TULP3: variants seen among roughly 807,000 people sequenced by gnomAD.
The protein encoded by TULP3 is tubby-related protein 3.
TULP3 carries 38 observed loss-of-function variants against 50.7 expected under a neutral mutation model. The ratio of observed to expected loss-of-function variants is 0.75; its 90% CI spans 0.58 to 0.98. The LOEUF (loss-of-function observed/expected upper bound fraction) is 0.98, where lower values mean the gene tolerates loss of function less well. Ranked by LOEUF, TULP3 falls within the 50% of genes least tolerant of loss-of-function variation. The probability of loss-of-function intolerance (pLI) is 0.00; values close to 1 mark genes in which losing one functional copy is unlikely to be tolerated. For missense variants in TULP3, 550 were observed against 568.0 expected, an observed-to-expected ratio of 0.97 and a Z score of 0.32; for synonymous variants, 183 against 196.6, an observed-to-expected ratio of 0.93 and a Z score of 0.58.
intron 7 of TULP3, 120 bp from the exon 8 acceptor site, chr12:2,934,327 T>C (rs1414097902): frequency 5.1e-6 from 3 of 583,830 alleles, no homozygotes; most frequent in African/African-American, 3.9e-5. Flanking sequence ...GAAAAAGTGA[T>C]GATGAACATT....
intron 6 of TULP3, among the ~76,000 whole-genome samples, chr12:2,931,770 AATAAG>A (rs575409156): frequency 1.4e-4 from 21 of 152,306 alleles, no homozygotes; most frequent in African/African-American, 4.8e-4. Flanking sequence ...AGAGCCTAGA[AATAAG>A]ATAATGATAC....
Position 2,931,027 on chromosome 12 carries a change from G to A in TULP3, c.493-10G>A, listed in dbSNP as rs748498779. The A allele has an allele frequency of 1.9e-6, 3 of 1,614,048 alleles. No homozygotes were observed. Among genetic ancestry groups the A allele is most frequent in the Admixed American group, 3.3e-5 (2 of 60,000 alleles). The stretch of plus-strand genomic sequence containing the variant: ...GGCCTGTTGTTGCTCATGTATGGCT[G>A]TCCTTTCAGGATACAGGCACTTCCG... On this transcript the variant is annotated splice_polypyrimidine_tract_variant and intron_variant, in intron 5 of 10. Coordinates refer to ENST00000448120, the MANE Select transcript of TULP3 (RefSeq NM_003324.5).
intron 1 of TULP3, among the ~76,000 whole-genome samples, chr12:2,905,479 C>T (rs547676931): frequency 2.0e-5 from 3 of 152,196 alleles, no homozygotes; most frequent in South Asian, 4.2e-4. Flanking sequence ...CCACCGCACC[C>T]GGCCTTATAA....
intron 1 of TULP3, among the ~76,000 whole-genome samples, chr12:2,900,073 AAATT>A (rs906048876): frequency 2.0e-5 from 3 of 151,704 alleles, no homozygotes; most frequent in African/African-American, 7.3e-5. Flanking sequence ...AAAAAATAAA[AAATT>A]AACCAGGCGT....
chr12:2,913,456 A>T lies in TULP3; in HGVS notation c.93+3876A>T, dbSNP rs1830409927. 5.3e-5 allele frequency among the ~76,000 whole-genome samples: 8 copies of T among 151,768 alleles called. No individual in the cohort carries two copies. The South Asian group carries it at 1.7e-3, about 32-fold the overall frequency. ...TCTTCTTCCTGTATTTAGAGATGGGATCTTGCAGTGTTGCCCAGGCTGGTC... is the reference window on the plus strand; with the variant it reads ...TCTTCTTCCTGTATTTAGAGATGGGTTCTTGCAGTGTTGCCCAGGCTGGTC... On this transcript the variant is annotated intron_variant, in intron 2 of 10. Coordinates refer to ENST00000448120, the MANE Select transcript of TULP3 (RefSeq NM_003324.5).
chr12:2,917,007 C>T (rs2098189039), intron 2 of TULP3, among the ~76,000 whole-genome samples: 1 of 152,122 alleles, frequency 6.6e-6, no homozygotes, highest in Admixed American at 6.6e-5. Flanking sequence ...CTCCCCTTAA[C>T]AAGTGAGAGC....
intron 6 of TULP3, 63 bp from the exon 7 acceptor site, chr12:2,933,355 A>C (rs1032605046): frequency 1.0e-6 from 1 of 993,560 alleles, no homozygotes; most frequent in African/African-American, 1.6e-5. Flanking sequence ...TAGGACAACC[A>C]TGACCAGAGG....
In TULP3 at chr12:2,939,286, C is replaced by T. The variant is rs751213495; in HGVS notation, c.1196-25C>T. On this transcript the variant is annotated intron_variant, in intron 10 of 10. Coordinates refer to ENST00000448120, the MANE Select transcript of TULP3 (RefSeq NM_003324.5). This position sits in a 1 kb window ranked among gnomAD's most constrained non-coding sequence, Gnocchi z 4.0. ...TGAGTGCAACCACATTATATTCTAA[C>T]ATGTTGATTTCTTTCTGTTTCTAGC... The T allele has an allele frequency of 6.8e-6, 11 of 1,608,186 alleles. No individual in the cohort carries two copies. The highest frequency in any genetic ancestry group is 1.7e-4 in the Middle Eastern group (1 of 6,034).
intron 1 of TULP3, among the ~76,000 whole-genome samples, chr12:2,909,328 C>T (rs150383601): frequency 6.6e-6 from 1 of 152,218 alleles, no homozygotes; most frequent in African/African-American, 2.4e-5. Flanking sequence ...TTTCAGTCTC[C>T]TCAGGTCCTC....
intron 4 of TULP3, among the ~76,000 whole-genome samples, chr12:2,925,727 G>A (rs1387122966): frequency 6.6e-6 from 1 of 152,176 alleles, no homozygotes; most frequent in African/African-American, 2.4e-5. Context: ...GATAGGATGA[G>A]TCGGAGCAAA....
intron 7 of TULP3, among the ~76,000 whole-genome samples, chr12:2,934,217 C>G: frequency 6.6e-6 from 1 of 152,160 alleles, no homozygotes; most frequent in East Asian, 1.9e-4. Context: ...CCACTGCACT[C>G]CAGCCTGGGC....
chr12:2,907,689 C>T (rs557347574), intron 1 of TULP3, among the ~76,000 whole-genome samples: 50 of 150,970 alleles, frequency 3.3e-4, no homozygotes, highest in African/African-American at 1.2e-3. Flanking sequence ...CACTGAACAC[C>T]TGTAATGTTC....
intron 9 of TULP3, 68 bp from the exon 10 acceptor site, chr12:2,938,046 C>T (rs1473391466): frequency 1.7e-5 from 26 of 1,548,586 alleles, no homozygotes; most frequent in Non-Finnish European, 2.3e-5. Context: ...AAAGTATTCT[C>T]CTACTCTACC....
intron 4 of TULP3, 125 bp from the exon 5 acceptor site, chr12:2,930,123 A>G (rs918127854): frequency 1.2e-5 from 8 of 666,990 alleles, no homozygotes; most frequent in Non-Finnish European, 4.9e-6. Context: ...TATTTGGACA[A>G]AATAGTTGTG....
chr12:2,927,649 G>A (rs534908717), intron 4 of TULP3, among the ~76,000 whole-genome samples: 35 of 152,090 alleles, frequency 2.3e-4, no homozygotes, highest in African/African-American at 2.9e-4. Flanking sequence ...CACTGCGCCC[G>A]GCCTGAGATT....
chr12:2,907,013 A>G (rs1257681867), intron 1 of TULP3, among the ~76,000 whole-genome samples: 1 of 151,926 alleles, frequency 6.6e-6, no homozygotes, highest in Non-Finnish European at 1.5e-5. Flanking sequence ...TTGCTATATA[A>G]TGTCATTTTA....
Position 2,890,923 on chromosome 12 carries a change from G to GGT in TULP3, c.-23_-22dup, listed in dbSNP as rs759468438. 29 of 1,590,240 alleles carry GGT rather than the reference G, an allele frequency of 1.8e-5. No homozygotes were observed. In the Admixed American group the frequency reaches 5.1e-4, roughly 28 times the overall value. The stretch of plus-strand genomic sequence containing the variant: ...CGACGGCGGGGAAGAGTGTGTACGT[G>GGT]GTGGGGGCTTCCTCGGTGGCGGGCA... On this transcript the variant is annotated 5_prime_UTR_variant, in exon 1 of 11. Transcript: ENST00000448120.
chr12:2,899,892 C>CA lies in TULP3; in HGVS notation c.41+8914dup, dbSNP rs1342460423. On this transcript the variant is annotated intron_variant, in intron 1 of 10. Coordinates refer to ENST00000448120, the MANE Select transcript of TULP3 (RefSeq NM_003324.5). ...TGGGCGACAGAGCGAGACTCCGTCTCAAAAAAAAAACAAACAAAAAAAAAA... is the reference window on the plus strand; with the variant it reads ...TGGGCGACAGAGCGAGACTCCGTCTCAAAAAAAAAAACAAACAAAAAAAAAA... Among the ~76,000 whole-genome samples the CA allele has an allele frequency of 4.0e-3, 213 of 53,558 alleles. 2 individuals are homozygous for CA. Among genetic ancestry groups the CA allele is most frequent in the Admixed American group, 0.011 (49 of 4,460 alleles). 35.1% of individuals were successfully genotyped at this position (53,558 alleles called of 152,430 possible).
intron 1 of TULP3, among the ~76,000 whole-genome samples, chr12:2,902,563 T>C (rs1444911193): frequency 6.6e-6 from 1 of 152,178 alleles, no homozygotes; most frequent in African/African-American, 2.4e-5. Context: ...AGATTTTGTG[T>C]TACTGGCAGC....
Sources: allele counts gnomAD v4.1 joint callset (sites outside exome capture counted in the v4.1 genomes callset), GRCh38; gene constraint gnomAD v4.1.1; non-coding constraint Gnocchi (gnomAD v3.1); transcripts MANE v1.5; gene names NCBI Gene and HGNC (gene_info 2026-07-23, HGNC 2026-07-21).